The following ERMARD variants were observed in gnomAD, a reference collection of about 807,000 sequenced individuals.
ERMARD encodes ER membrane associated RNA degradation.
In ERMARD, 71 loss-of-function variants were observed where a neutral mutation model predicts 83.9. That is an observed-to-expected ratio of 0.85 (90% CI 0.70 to 1.03). The LOEUF is 1.03. ERMARD is among the 50% of genes least tolerant of loss of function. The pLI, the probability that ERMARD is intolerant of heterozygous loss-of-function variation, is 0.00. For missense variants in ERMARD, 838 were observed against 810.9 expected, an observed-to-expected ratio of 1.03 and a Z score of -0.41; for synonymous variants, 284 against 298.6, an observed-to-expected ratio of 0.95 and a Z score of 0.50.
chr6:169,767,614 A>G (rs537826674), intron 10 of ERMARD: 327 of 172,186 alleles, frequency 1.9e-3, no homozygotes, highest in Admixed American at 4.9e-3. Context: ...ACACATGAAC[A>G]CATACCTCCA....
At chr6:169,773,282 C>T in intron 12 of ERMARD, 37 bp from the exon 13 acceptor site, 1 of 1,591,406 alleles carries the variant, frequency 6.3e-7, no homozygotes, top group Non-Finnish European at 8.6e-7. Flanking sequence ...AAAAGCCCAC[C>T]CAAACATGAT....
intron 1 of ERMARD, 30 bp downstream of exon 1, chr6:169,751,693 C>G (rs1360809600): frequency 6.5e-7 from 1 of 1,540,698 alleles, no homozygotes. Flanking sequence ...CGGTTCGATC[C>G]CGAGCTAGGC....
chr6:169,758,854 C>A, intron 5 of ERMARD, 114 bp from the exon 6 acceptor site: 2 of 900,302 alleles, frequency 2.2e-6, no homozygotes, highest in Non-Finnish European at 3.5e-6. Context: ...CTGCTATATA[C>A]TAGCCAAAAC....
intron 11 of ERMARD, 61 bp from the exon 12 acceptor site, chr6:169,769,478 AC>A: frequency 6.8e-7 from 1 of 1,463,540 alleles, no homozygotes; most frequent in South Asian, 1.4e-5. Flanking sequence ...ATTCAGCAAC[AC>A]CAGGCACGTC....
chr6:169,766,562 TTTC>T (rs1792235770), intron 9 of ERMARD, 73 bp from the exon 10 acceptor site: 1 of 1,261,296 alleles, frequency 7.9e-7, no homozygotes, highest in Non-Finnish European at 1.1e-6. Context: ...ACCAGAATTT[TTTC>T]TTATTTTGCA....
intron 12 of ERMARD, among the ~76,000 whole-genome samples, chr6:169,772,214 TCTC>T (rs1016801205): frequency 1.3e-5 from 2 of 152,176 alleles, no homozygotes; most frequent in African/African-American, 4.8e-5. Context: ...ATGTCTTCCT[TCTC>T]CTCGGAAGCC....
intron 12 of ERMARD, chr6:169,771,172 C>T (rs1334491713): frequency 1.3e-5 from 2 of 151,826 alleles, no homozygotes; most frequent in Non-Finnish European, 2.9e-5. Flanking sequence ...CAACCTCTGC[C>T]TCCCGAGTTC....
intron 5 of ERMARD, among the ~76,000 whole-genome samples, chr6:169,757,998 A>G (rs1791029094): frequency 6.6e-6 from 1 of 152,244 alleles, no homozygotes. Context: ...TTGACCAGAT[A>G]GTGTGAACCA....
rs754344413 is a variant in ERMARD at position 169,769,750 on chromosome 6, CTCAT to C, written c.1233+41_1233+44del. 13 of 1,508,006 alleles carry C rather than the reference CTCAT, an allele frequency of 8.6e-6. 1 individual carries two copies. The highest frequency in any genetic ancestry group is 6.4e-5 in the South Asian group (5 of 77,922). The allele number at this position is 1,508,006 out of a possible 1,614,324, so 93.4% of individuals were successfully genotyped here. ...GGAAGAAAATCATTAATTAGATTAA[CTCAT>C]TCAGCTATGAAAATATAGTTTATTT... On this transcript the variant is annotated intron_variant, in intron 12 of 17. Transcript: ENST00000366773.
intron 15 of ERMARD, 120 bp downstream of exon 15, chr6:169,776,185 G>C: frequency 6.5e-7 from 1 of 1,534,870 alleles, no homozygotes; most frequent in South Asian, 1.2e-5. Context: ...GAATCCCACT[G>C]TTACTGCTCC....
At chr6:169,774,207 GCCTTGAGAAGTCTGAGGCCT>G (rs1793315436) in intron 13 of ERMARD, among the ~76,000 whole-genome samples, 1 of 152,314 alleles carries the variant, frequency 6.6e-6, no homozygotes, top group African/African-American at 2.4e-5. Context: ...GATGGCAGGT[GCCTTGAGAAGTCTGAGGCCT>G]CCTTGAGAAT....
upstream of ERMARD, chr6:169,751,494 T>G (rs1176604623): frequency 1.2e-6 from 2 of 1,610,704 alleles, no homozygotes; most frequent in Admixed American, 1.7e-5. Flanking sequence ...CCGCCTCCCC[T>G]TCACCGCCGG....
upstream of ERMARD, chr6:169,751,355 A>T (rs746628241): frequency 1.2e-6 from 2 of 1,613,942 alleles, no homozygotes; most frequent in African/African-American, 1.3e-5. Flanking sequence ...CTTCTCGAAC[A>T]TGCTAGGCCT....
chr6:169,752,192 G>C (rs1790208625), intron 1 of ERMARD, among the ~76,000 whole-genome samples: 1 of 152,210 alleles, frequency 6.6e-6, no homozygotes, highest in African/African-American at 2.4e-5. Context: ...CTGCACCCCT[G>C]TCTGGGCGAC....
chr6:169,755,565 G>A, intron 3 of ERMARD, 143 bp downstream of exon 3: 2 of 1,004,310 alleles, frequency 2.0e-6, no homozygotes, highest in African/African-American at 1.6e-5. Context: ...AGAACCCTGG[G>A]CTATTATGCA....
At chr6:169,755,575 A>G (rs888302009) in intron 3 of ERMARD, 153 bp downstream of exon 3, 45 of 871,448 alleles carry the variant, frequency 5.2e-5, no homozygotes, top group Non-Finnish European at 7.2e-5. Context: ...GCTATTATGC[A>G]GGGTCTCCAA....
chr6:169,771,750 C>T (rs1792947484), intron 12 of ERMARD: 1 of 152,096 alleles, frequency 6.6e-6, no homozygotes, highest in African/African-American at 2.4e-5. Context: ...AAATATGTTC[C>T]ACAGTCCAGG....
chr6:169,759,805 A>G, intron 6 of ERMARD, 33 bp from the exon 7 acceptor site: 2 of 1,584,190 alleles, frequency 1.3e-6, no homozygotes, highest in Non-Finnish European at 8.6e-7. Context: ...GATTGAGTAC[A>G]TTTTTGTAAC....
At chr6:169,762,405 C>A in intron 8 of ERMARD, 24 bp from the exon 9 acceptor site, 1 of 1,585,966 alleles carries the variant, frequency 6.3e-7, no homozygotes, top group Non-Finnish European at 8.6e-7. Flanking sequence ...TGGAGTTTTA[C>A]CTCTTTTCCC....
Sources: allele counts gnomAD v4.1 joint callset (sites outside exome capture counted in the v4.1 genomes callset), GRCh38; gene constraint gnomAD v4.1.1; transcripts MANE v1.5; gene names NCBI Gene and HGNC (gene_info 2026-07-23, HGNC 2026-07-21).